DPYD: variants seen among roughly 807,000 people sequenced by gnomAD.
The protein encoded by DPYD is dihydropyrimidine dehydrogenase.
In DPYD, 109 loss-of-function variants were observed where a neutral mutation model predicts 116.2. That is an observed-to-expected ratio of 0.94 (90% CI 0.80 to 1.10). The LOEUF (loss-of-function observed/expected upper bound fraction) is 1.10, where lower values mean the gene tolerates loss of function less well. Ranked by LOEUF, DPYD falls within the 50% of genes least tolerant of loss-of-function variation. DPYD has a pLI of 0.00. For synonymous variants in DPYD, 440 were observed against 432.0 expected, an observed-to-expected ratio of 1.02 and a Z score of -0.23; for missense variants, 1,302 against 1,254.5, an observed-to-expected ratio of 1.04 and a Z score of -0.57.
intron 14 of DPYD, among the ~76,000 whole-genome samples, chr1:97,407,488 G>C (rs1673731554): frequency 6.6e-6 from 1 of 152,136 alleles, no homozygotes; most frequent in Non-Finnish European, 1.5e-5. Context: ...ACTCCTAGAG[G>C]ACATGGGCTA....
chr1:97,775,250 C>A (rs942029819), intron 3 of DPYD, among the ~76,000 whole-genome samples: 2 of 152,080 alleles, frequency 1.3e-5, no homozygotes, highest in African/African-American at 2.4e-5. Flanking sequence ...TACCAACATA[C>A]ATTAACTATC....
At chr1:97,699,589 G>C (rs2100972755) in intron 5 of DPYD, 42 bp from the exon 6 acceptor site, 1 of 1,566,886 alleles carries the variant, frequency 6.4e-7, no homozygotes, top group Non-Finnish European at 8.8e-7. Flanking sequence ...TTTGAAACTA[G>C]CTTACATCCT....
chr1:97,731,048 T>C (rs1424809568), intron 4 of DPYD, among the ~76,000 whole-genome samples: 5 of 152,164 alleles, frequency 3.3e-5, no homozygotes, highest in Non-Finnish European at 4.4e-5. Flanking sequence ...TTCAAACATA[T>C]ATAACTTACA....
intron 16 of DPYD, among the ~76,000 whole-genome samples, chr1:97,316,566 T>TAACATAACATAACA (rs1409048778): frequency 6.6e-6 from 1 of 151,378 alleles, no homozygotes; most frequent in African/African-American, 2.4e-5. Context: ...TAAAATATCA[T>TAACATAACATAACA]TCATTGAGAG....
intron 18 of DPYD, among the ~76,000 whole-genome samples, chr1:97,285,245 C>G (rs1172145138): frequency 6.6e-6 from 1 of 152,180 alleles, no homozygotes; most frequent in Non-Finnish European, 1.5e-5. Context: ...AATTAGACCT[C>G]TTAAACATTA....
chr1:97,828,171 A>AAATTATTC lies in DPYD; in HGVS notation c.168_175dup (p.Phe59Ter), dbSNP rs2101479957. ...AAGAGTCGTGTGCTTGATGTCATCA[A>AAATTATTC]AATTATTCTCCAGCTTCTCACAATT... On this transcript the variant is annotated stop_gained and frameshift_variant, in exon 3 of 23. Transcript: ENST00000370192. LOFTEE classifies it high-confidence loss of function. 6.2e-7 allele frequency: 1 copy of AAATTATTC among 1,613,654 alleles called. No individual in the cohort carries two copies. The highest frequency in any genetic ancestry group is 8.5e-7 in the Non-Finnish European group (1 of 1,179,842).
intron 8 of DPYD, among the ~76,000 whole-genome samples, chr1:97,656,223 A>G (rs1474557433): frequency 1.3e-5 from 2 of 152,180 alleles, no homozygotes; most frequent in African/African-American, 4.8e-5. Flanking sequence ...AAGGAGAATA[A>G]TGTTCTCCAC....
chr1:97,809,800 C>T (rs538899235), intron 3 of DPYD, among the ~76,000 whole-genome samples: 1 of 152,140 alleles, frequency 6.6e-6, no homozygotes, highest in East Asian at 1.9e-4. Context: ...CTACTGAACG[C>T]CTCATCTATG....
At chr1:97,166,551 CTAAAA>C (rs1223072824) in intron 20 of DPYD, among the ~76,000 whole-genome samples, 8 of 151,994 alleles carry the variant, frequency 5.3e-5, no homozygotes, top group Non-Finnish European at 8.8e-5. Flanking sequence ...TGCACATGTA[CTAAAA>C]TAAAAGTTTT....
intron 18 of DPYD, among the ~76,000 whole-genome samples, chr1:97,291,629 T>C (rs183955383): frequency 2.0e-3 from 308 of 151,844 alleles, no homozygotes; most frequent in South Asian, 4.4e-3. Flanking sequence ...TAGGTGGGAA[T>C]TGAACAATGA....
chr1:97,648,966 T>C (rs1658425248), intron 8 of DPYD, among the ~76,000 whole-genome samples: 2 of 152,006 alleles, frequency 1.3e-5, no homozygotes, highest in Non-Finnish European at 2.9e-5. Context: ...CGTATTATAT[T>C]TGTAGTAAGT....
At chr1:97,840,463 A>C (rs551019770) in intron 2 of DPYD, among the ~76,000 whole-genome samples, 1 of 152,098 alleles carries the variant, frequency 6.6e-6, no homozygotes, top group Non-Finnish European at 1.5e-5. Context: ...TAGATACTGT[A>C]TTTTTCTGGG....
intron 1 of DPYD, among the ~76,000 whole-genome samples, chr1:97,887,327 G>A (rs1056208858): frequency 7.9e-5 from 12 of 151,108 alleles, no homozygotes; most frequent in East Asian, 2.0e-4. Flanking sequence ...AAAATTAGCC[G>A]GGCATGGTGG....
chr1:97,418,041 A>G lies in DPYD; in HGVS notation c.1905+32018T>C, dbSNP rs145435961. ...TACTGATCTATAATCCCTTTATTTTAAAAAAGTATTTTGTGGAAGGATTTA... is the reference window on the plus strand; with the variant it reads ...TACTGATCTATAATCCCTTTATTTTGAAAAAGTATTTTGTGGAAGGATTTA... On this transcript the variant is annotated intron_variant, in intron 14 of 22. Transcript: ENST00000370192. 3.2e-4 allele frequency among the ~76,000 whole-genome samples: 49 copies of G among 152,328 alleles called. No individual in the cohort carries two copies. In the East Asian group the frequency reaches 8.9e-3, roughly 28 times the overall value.
rs536172645 is a variant in DPYD, at chr1:97,519,932, C to A, written c.1525-3991G>T. Among the ~76,000 whole-genome samples the A allele has an allele frequency of 2.6e-5, 4 of 152,108 alleles. No homozygotes were observed. In the South Asian group the frequency reaches 8.3e-4, roughly 32 times the overall value. On this transcript the variant is annotated intron_variant, in intron 12 of 22. Coordinates refer to ENST00000370192, the MANE Select transcript of DPYD (RefSeq NM_000110.4). ...CAGAGAAATTATTTTATCTGAGACA[C>A]TTATAGATCATAAAAAATATAATTA...
chr1:97,828,218 CATTA>C (rs1557992517), intron 2 of DPYD, 22 bp from the exon 3 acceptor site: 4 of 1,606,056 alleles, frequency 2.5e-6, no homozygotes, highest in Non-Finnish European at 3.4e-6. Context: ...TTAAAAATTG[CATTA>C]ATTCTCTAAG....
intron 13 of DPYD, among the ~76,000 whole-genome samples, chr1:97,476,834 G>C (rs1677994422): frequency 6.6e-6 from 1 of 152,074 alleles, no homozygotes; most frequent in Non-Finnish European, 1.5e-5. Context: ...GCAATAAAGT[G>C]AATCACACAA....
intron 14 of DPYD, among the ~76,000 whole-genome samples, chr1:97,399,414 T>A (rs915465264): frequency 2.6e-5 from 4 of 152,216 alleles, no homozygotes; most frequent in South Asian, 4.1e-4. Context: ...GGCTTAGGAT[T>A]GACTTGGCAA....
intron 2 of DPYD, among the ~76,000 whole-genome samples, chr1:97,862,644 C>T (rs530057327): frequency 6.6e-6 from 1 of 152,034 alleles, no homozygotes; most frequent in Admixed American, 6.5e-5. Context: ...CTTGTTCAAA[C>T]AGAGACCTGA....
Sources: gnomAD v4.1 joint callset for allele counts (sites outside exome capture counted in the v4.1 genomes callset) on GRCh38, gnomAD v4.1.1 for gene constraint, MANE v1.5 for transcripts, NCBI Gene and HGNC (gene_info 2026-07-23, HGNC 2026-07-21) for gene names.